TRAPPC9: variants seen among roughly 807,000 people sequenced by gnomAD.
TRAPPC9 encodes the protein IKK2 binding protein.
A neutral mutation model predicts 124.0 loss-of-function variants in TRAPPC9; 83 were observed. That is an observed-to-expected ratio of 0.67 (90% CI 0.56 to 0.80). TRAPPC9 has a LOEUF of 0.80. TRAPPC9 is among the 30% of genes least tolerant of loss of function. The pLI is 0.00. For synonymous variants in TRAPPC9, 638 were observed against 617.5 expected, an observed-to-expected ratio of 1.03 and a Z score of -0.49; for missense variants, 1,302 against 1,508.3, an observed-to-expected ratio of 0.86 and a Z score of 2.27.
At chr8:140,099,004 G>A (rs1037809852) in intron 17 of TRAPPC9, 1 of 152,274 alleles carries the variant, frequency 6.6e-6, no homozygotes, top group Non-Finnish European at 1.5e-5. Context: ...CCGTGCACAG[G>A]GGAGGACACC....
At chr8:140,243,054 G>A (rs192868092) in intron 16 of TRAPPC9, among the ~76,000 whole-genome samples, 29 of 152,290 alleles carry the variant, frequency 1.9e-4, no homozygotes, top group African/African-American at 5.5e-4. Flanking sequence ...AGCTTAGTGC[G>A]CAGAACCCCC....
At chr8:139,789,320 T>C (rs184213094) in intron 21 of TRAPPC9, among the ~76,000 whole-genome samples, 123 of 152,294 alleles carry the variant, frequency 8.1e-4, no homozygotes, top group Non-Finnish European at 1.4e-3. Context: ...GAGGATTCCA[T>C]GGTCTTCCCT....
At chr8:139,953,167 T>C (rs544555966) in intron 19 of TRAPPC9, among the ~76,000 whole-genome samples, 97 of 152,348 alleles carry the variant, frequency 6.4e-4, no homozygotes, top group South Asian at 2.1e-3. Context: ...AATGGATCAT[T>C]TTAAGATACG....
At chr8:140,419,428 CAAAA>C (rs61155157) in intron 5 of TRAPPC9, among the ~76,000 whole-genome samples, 5 of 79,584 alleles carry the variant, frequency 6.3e-5, no homozygotes, top group African/African-American at 2.1e-4. Context: ...GACTCCGTCT[CAAAA>C]AAAAAAAAAA....
Position 140,024,076 on chromosome 8 carries a change from G to A in TRAPPC9, c.2560C>T (p.Leu854=). ...TATTTGAAATTCAGGACAGCTTCCA[G>A]GGTCTAAAAGATATTAAAAAAAAAA... ...KAGDYSHVKT[L]EAVLNFKYSG... The change falls in exon 18 of 23, where the codon CTG becomes TTG. Residue 854 remains leucine (L), a synonymous_variant. Coordinates refer to ENST00000438773, the MANE Select transcript of TRAPPC9 (RefSeq NM_001160372.4). 6.2e-7 allele frequency: 1 copy of A among 1,613,616 alleles called. No individual in the cohort carries two copies. Among genetic ancestry groups the A allele is most frequent in the Non-Finnish European group, 8.5e-7 (1 of 1,179,936 alleles).
At chr8:140,152,459 C>T (rs1367225836) in intron 17 of TRAPPC9, among the ~76,000 whole-genome samples, 1 of 146,354 alleles carries the variant, frequency 6.8e-6, no homozygotes, top group Non-Finnish European at 1.5e-5. Context: ...CTCCCAGGTT[C>T]ACGCCATTCT....
intron 7 of TRAPPC9, among the ~76,000 whole-genome samples, chr8:140,387,055 A>G (rs149977548): frequency 0.034 from 5,149 of 152,280 alleles, 180 homozygotes; most frequent in African/African-American, 0.091. Flanking sequence ...TGACAAAAAC[A>G]AGAAATGGGG....
At chr8:139,858,396 A>G (rs1229956774) in intron 21 of TRAPPC9, among the ~76,000 whole-genome samples, 1 of 152,242 alleles carries the variant, frequency 6.6e-6, no homozygotes, top group Non-Finnish European at 1.5e-5. Context: ...GCTGAGACCC[A>G]GGCCAGCTCC....
rs187100898 is a variant in TRAPPC9, at chr8:140,057,275, T to C, written c.2557-33196A>G. 7.3e-3 allele frequency among the ~76,000 whole-genome samples: 1,109 copies of C among 152,318 alleles called. 5 individuals are homozygous for C. Among genetic ancestry groups the C allele is most frequent in the Non-Finnish European group, 0.013 (853 of 68,024 alleles). On this transcript the variant is annotated intron_variant, in intron 17 of 22. Coordinates refer to ENST00000438773, the MANE Select transcript of TRAPPC9 (RefSeq NM_001160372.4). ...GGTACAGCTGCTATGGAAAACAGTA[T>C]GAAGTTTCCTCAAAAAATCAGAAAT...
intron 13 of TRAPPC9, 43 bp downstream of exon 13, chr8:140,287,565 A>C: frequency 6.2e-7 from 1 of 1,613,724 alleles, no homozygotes; most frequent in Non-Finnish European, 8.5e-7. Context: ...GCAAGGGTTC[A>C]GCAGACCCTC....
intron 19 of TRAPPC9, among the ~76,000 whole-genome samples, chr8:139,976,906 C>T (rs1464649786): frequency 1.3e-5 from 2 of 152,134 alleles, no homozygotes; most frequent in African/African-American, 2.4e-5. Flanking sequence ...ACACAGGGTC[C>T]CCGAGACAAA....
intron 6 of TRAPPC9, among the ~76,000 whole-genome samples, chr8:140,399,489 CGA>C (rs2069194149): frequency 6.6e-6 from 1 of 152,212 alleles, no homozygotes; most frequent in Non-Finnish European, 1.5e-5. Context: ...GACCTGGATA[CGA>C]GACATGGAAT....
chr8:139,800,974 CCGGCA>C (rs1372648937), intron 21 of TRAPPC9, among the ~76,000 whole-genome samples: 45 of 149,254 alleles, frequency 3.0e-4, no homozygotes, highest in African/African-American at 1.0e-3. Flanking sequence ...TTCCCTCCCT[CCGGCA>C]TCTTCCCCCG....
intron 17 of TRAPPC9, among the ~76,000 whole-genome samples, chr8:140,156,748 T>C (rs1259215788): frequency 6.6e-6 from 1 of 152,226 alleles, no homozygotes; most frequent in Non-Finnish European, 1.5e-5. Flanking sequence ...GTACCGCCAC[T>C]GATACAATAT....
intron 21 of TRAPPC9, among the ~76,000 whole-genome samples, chr8:139,832,694 C>A (rs1469230452): frequency 1.3e-5 from 2 of 152,212 alleles, no homozygotes; most frequent in Non-Finnish European, 2.9e-5. Context: ...TGGCTGACTT[C>A]TCTTCCGCCT....
intron 21 of TRAPPC9, among the ~76,000 whole-genome samples, chr8:139,858,562 G>A (rs1174696814): frequency 6.6e-6 from 1 of 152,198 alleles, no homozygotes; most frequent in Non-Finnish European, 1.5e-5. Context: ...TGTCAGGTGT[G>A]TATACATAGG....
At chr8:140,023,192 G>A (rs1410076520) in intron 18 of TRAPPC9, among the ~76,000 whole-genome samples, 1 of 152,202 alleles carries the variant, frequency 6.6e-6, no homozygotes, top group Non-Finnish European at 1.5e-5. Flanking sequence ...AAGGCTGCTG[G>A]CACTACGGAG....
At chr8:139,767,522 G>T (rs1820660920) in intron 21 of TRAPPC9, among the ~76,000 whole-genome samples, 1 of 152,204 alleles carries the variant, frequency 6.6e-6, no homozygotes, top group Admixed American at 6.5e-5. Flanking sequence ...GGATCCAGGA[G>T]GAACATGCTG....
intron 17 of TRAPPC9, among the ~76,000 whole-genome samples, chr8:140,198,215 T>C (rs1393586468): frequency 4.6e-5 from 7 of 152,202 alleles, no homozygotes; most frequent in Non-Finnish European, 8.8e-5. Flanking sequence ...AGAAACTTTA[T>C]AGTTTAAACA....
Sources: allele counts gnomAD v4.1 joint callset (sites outside exome capture counted in the v4.1 genomes callset), GRCh38; gene constraint gnomAD v4.1.1; transcripts MANE v1.5; gene names NCBI Gene and HGNC (gene_info 2026-07-23, HGNC 2026-07-21).